The following PALB2 variants were observed in gnomAD, a reference collection of about 807,000 sequenced individuals.
PALB2 encodes mutant partner and localizer of BRCA2.
A neutral mutation model predicts 107.4 loss-of-function variants in PALB2; 82 were observed. That is an observed-to-expected ratio of 0.76 (90% CI 0.64 to 0.92). PALB2 has a LOEUF of 0.92. Among genes scored for constraint, PALB2 ranks in the 40% least tolerant of loss-of-function variants. PALB2 has a pLI of 0.00. For synonymous variants in PALB2, 489 were observed against 496.8 expected (o/e 0.98, Z 0.21); for missense variants, 1,374 against 1,379.9 (o/e 1.00, Z 0.07).
In PALB2 at chr16:23,641,218, A is replaced by C. The variant is rs1007749423; in HGVS notation, c.-61T>G. On this transcript the variant is annotated 5_prime_UTR_variant, in exon 1 of 13. Transcript: ENST00000261584. ...CGACCCCAGGCCTGCCGACACCGGG[A>C]CCCAGTTGGCCCTGGGCCGGGGAGG... The C allele has an allele frequency of 6.3e-7, 1 of 1,589,302 alleles. No individual in the cohort carries two copies.
rs1219960367 is a variant in PALB2, at chr16:23,629,156, G to A, written c.2586+48C>T. 3.5e-6 allele frequency: 5 copies of A among 1,443,078 alleles called. No homozygotes were observed. The South Asian group carries it at 5.7e-5, about 16-fold the overall frequency. The allele number at this position is 1,443,078 out of a possible 1,614,324, so 89.4% of individuals were successfully genotyped here. ...ACTGAATTCTTTTCAGTTCATTAAAGTTTTCATATGTAAGACACGAGACAC... is the reference window on the plus strand; with the variant it reads ...ACTGAATTCTTTTCAGTTCATTAAAATTTTCATATGTAAGACACGAGACAC... On this transcript the variant is annotated intron_variant, in intron 6 of 12. Transcript: ENST00000261584.
Position 23,614,024 on chromosome 16 carries a change from G to A in PALB2, c.3181C>T (p.His1061Tyr). The change falls in exon 11 of 13, where the codon CAC (histidine) becomes TAC (tyrosine). Residue 1061 changes from histidine (H) to tyrosine (Y), a missense_variant. Coordinates refer to ENST00000261584, the MANE Select transcript of PALB2 (RefSeq NM_024675.4). ...IDDSYQASVC[H>Y]KAYSEMGLLF... Reference sequence around the variant, plus strand: ...CTTACCATTTCAGAATAGGCTTTGTGACAGACTGAAGCTTGGTAAGAATCA... The same window carrying A: ...CTTACCATTTCAGAATAGGCTTTGTAACAGACTGAAGCTTGGTAAGAATCA... 1 of 1,613,296 alleles carries A rather than the reference G, an allele frequency of 6.2e-7. No homozygotes were observed. The highest frequency in any genetic ancestry group is 1.1e-5 in the South Asian group (1 of 91,004).
intron 7 of PALB2, among the ~76,000 whole-genome samples, chr16:23,625,624 G>A (rs1347041056): frequency 6.6e-6 from 1 of 151,530 alleles, no homozygotes. Flanking sequence ...GCAAAATCCC[G>A]TCTCTACTAA....
chr16:23,629,220 A>C lies in PALB2; in HGVS notation c.2570T>G (p.Leu857Trp). The change falls in exon 6 of 13, where the codon TTG (leucine) becomes TGG (tryptophan). Residue 857 changes from leucine (L) to tryptophan (W), a missense_variant. Transcript: ENST00000261584. ...TCTTCTGACCTTTAACTCTGAAACC[A>C]ATTGTAGGTTGCCTGGGTTTATGCT... ...SDSINPGNLQLVSELKNPSGS... is the reference protein window; with the variant it reads ...SDSINPGNLQWVSELKNPSGS... 1 of 1,613,484 alleles carries C rather than the reference A, an allele frequency of 6.2e-7. No individual in the cohort carries two copies. The highest frequency in any genetic ancestry group is 8.5e-7 in the Non-Finnish European group (1 of 1,179,678).
chr16:23,609,377 A>G (rs549368547), intron 11 of PALB2, among the ~76,000 whole-genome samples: 1 of 152,280 alleles, frequency 6.6e-6, no homozygotes, highest in East Asian at 1.9e-4. Context: ...GTGAGCTATG[A>G]TGGTGCCACT....
rs750089867 is a variant in PALB2, at chr16:23,629,829, T to G, written c.2325A>C (p.Gln775His). The G allele has an allele frequency of 1.2e-6, 2 of 1,614,166 alleles. No individual in the cohort carries two copies. The highest frequency in any genetic ancestry group is 1.7e-6 in the Non-Finnish European group (2 of 1,180,022). ...DSVCLASDTKQFDSSGSPAKP... is the reference protein window; with the variant it reads ...DSVCLASDTKHFDSSGSPAKP... The stretch of plus-strand genomic sequence containing the variant: ...TTGCTGGGCTGCCTGAACTGTCGAA[T>G]TGTTTAGTATCACTGGCAAGACAGA... Residue 775 changes from glutamine to histidine, a missense_variant, in exon 5 of 13, where the codon CAA becomes CAC. Physicochemically the swap from Gln to His is conservative, Grantham distance 24 (BLOSUM62 0). Coordinates refer to ENST00000261584, the MANE Select transcript of PALB2 (RefSeq NM_024675.4).
intron 1 of PALB2, 199 bp downstream of exon 1, chr16:23,640,911 G>T (rs891573768): frequency 9.6e-6 from 6 of 625,068 alleles, no homozygotes; most frequent in Non-Finnish European, 1.7e-5. Context: ...CTACTGTAAT[G>T]AAATTTGTTC....
At chr16:23,640,081 G>A (rs1967180648) in intron 1 of PALB2, among the ~76,000 whole-genome samples, 1 of 152,088 alleles carries the variant, frequency 6.6e-6, no homozygotes, top group African/African-American at 2.4e-5. Flanking sequence ...TAGTAGAGAC[G>A]GGGTTTCACT....
Position 23,603,316 on chromosome 16 carries a change from T to C in PALB2, c.*143A>G, listed in dbSNP as rs1241016245. The C allele has an allele frequency of 1.5e-6, 1 of 687,124 alleles. No individual in the cohort carries two copies. The highest frequency in any genetic ancestry group is 2.5e-6 in the Non-Finnish European group (1 of 396,482). The allele number at this position is 687,124 out of a possible 1,614,324, so 42.6% of individuals were successfully genotyped here. ...TCCAAGATCAGTGGTGCTACCATCA[T>C]TAGAATAAAAAATAAGTCTGTCTGG... On this transcript the variant is annotated 3_prime_UTR_variant, in exon 13 of 13. Coordinates refer to ENST00000261584, the MANE Select transcript of PALB2 (RefSeq NM_024675.4).
intron 12 of PALB2, 133 bp downstream of exon 12, chr16:23,607,731 G>T: frequency 9.0e-7 from 1 of 1,116,014 alleles, no homozygotes; most frequent in Non-Finnish European, 1.3e-6. Context: ...TCCTACTTCT[G>T]AATATTCCTA....
intron 6 of PALB2, among the ~76,000 whole-genome samples, chr16:23,627,404 G>A (rs1458990088): frequency 1.5e-4 from 23 of 150,724 alleles, no homozygotes; most frequent in Non-Finnish European, 5.9e-5. Flanking sequence ...GGAGAATGGC[G>A]TGAACCCGGG....
At chr16:23,623,733 G>A (rs1047013000) in intron 8 of PALB2, among the ~76,000 whole-genome samples, 6 of 151,354 alleles carry the variant, frequency 4.0e-5, no homozygotes, top group African/African-American at 1.5e-4. Context: ...TGGCCAGGCT[G>A]GTCTCAAACT....
At chr16:23,626,917 G>C (rs1362597787) in intron 6 of PALB2, among the ~76,000 whole-genome samples, 1 of 151,720 alleles carries the variant, frequency 6.6e-6, no homozygotes, top group Non-Finnish European at 1.5e-5. Context: ...CACCGTGCCC[G>C]GCCCATGAAA....
intron 5 of PALB2, 110 bp downstream of exon 5, chr16:23,629,530 A>C (rs1226751968): frequency 1.8e-6 from 2 of 1,107,114 alleles, no homozygotes; most frequent in East Asian, 4.7e-5. Context: ...GAAACACGTC[A>C]AACCATTCTT....
intron 11 of PALB2, among the ~76,000 whole-genome samples, chr16:23,611,078 GTCTATCTATCTATCTATCTATCTATCTA>G (rs201931763): frequency 1.4e-5 from 2 of 148,090 alleles, no homozygotes; most frequent in African/African-American, 5.0e-5. Flanking sequence ...TCAACTGTCA[GTCTATCTATCTATCTATCTATCTATCTA>G]TCTATCTATC....
intron 10 of PALB2, chr16:23,617,768 C>T (rs1966710177): frequency 6.6e-6 from 1 of 151,924 alleles, no homozygotes; most frequent in African/African-American, 2.4e-5. Flanking sequence ...AAAAAAACAA[C>T]CAAGGCAGTA....
intron 12 of PALB2, 81 bp from the exon 13 acceptor site, chr16:23,603,750 T>A: frequency 1.5e-6 from 2 of 1,327,792 alleles, no homozygotes; most frequent in Non-Finnish European, 2.1e-6. Flanking sequence ...AAAACCATGT[T>A]CCCAAAACCA....
At position 23,635,666 on chromosome 16, in the gene PALB2, T is replaced by C. The variant is rs753676934; in HGVS notation, c.880A>G (p.Lys294Glu). ...TSPVSLEAQGKKMTVSTDNLL... is the reference protein window; with the variant it reads ...TSPVSLEAQGEKMTVSTDNLL... The stretch of plus-strand genomic sequence containing the variant: ...TTATCTGTAGAGACAGTCATTTTTT[T>C]GCCTTGTGCCTCCAAACTTACAGGT... The change falls in exon 4 of 13, where the codon AAA (lysine) becomes GAA (glutamate). Residue 294 changes from lysine to glutamate, a missense_variant. Physicochemically the swap from Lys to Glu is moderately conservative, Grantham distance 56. Transcript: ENST00000261584. The C allele has an allele frequency of 5.6e-6, 9 of 1,614,124 alleles. No homozygotes were observed. Among genetic ancestry groups the C allele is most frequent in the Non-Finnish European group, 7.6e-6 (9 of 1,179,950 alleles).
rs375713631 is a variant in PALB2 at position 23,629,259 on chromosome 16, A to G, written c.2531T>C (p.Leu844Pro). 1.2e-6 allele frequency: 2 copies of G among 1,613,610 alleles called. No homozygotes were observed. The highest frequency in any genetic ancestry group is 1.1e-5 in the South Asian group (1 of 91,076). The change falls in exon 6 of 13, where the codon CTT (leucine) becomes CCT (proline). Residue 844 changes from leucine to proline, a missense_variant. Physicochemically the swap from Leu to Pro is moderately conservative, Grantham distance 98. Transcript: ENST00000261584. ...TGGGTTTATGCTATCAGAAGCAGGA[A>G]GCTCTGCTGTTTCAGTCTGTGAAAA... The part of the protein sequence containing the change: ...HSVEQTETAE[L>P]PASDSINPGN...
Sources: gnomAD v4.1 joint callset for allele counts (sites outside exome capture counted in the v4.1 genomes callset) on GRCh38, gnomAD v4.1.1 for gene constraint, MANE v1.5 for transcripts, NCBI Gene and HGNC (gene_info 2026-07-23, HGNC 2026-07-21) for gene names.